Variants in SLC4A4 observed in about 807,000 individuals in gnomAD.
SLC4A4 encodes solute carrier family 4 member 4, also known as electrogenic sodium bicarbonate cotransporter 1.
In SLC4A4, 27 loss-of-function variants were observed where a neutral mutation model predicts 111.5. That is an observed-to-expected ratio of 0.24 (90% CI 0.18 to 0.33). SLC4A4 has a LOEUF of 0.33. SLC4A4 is among the 10% of genes least tolerant of loss of function. The probability of loss-of-function intolerance (pLI) is 1.00; values close to 1 mark genes in which losing one functional copy is unlikely to be tolerated. For synonymous variants in SLC4A4, 443 were observed against 463.4 expected, an observed-to-expected ratio of 0.96 and a Z score of 0.57; for missense variants, 909 against 1,315.5, an observed-to-expected ratio of 0.69 and a Z score of 4.78.
chr4:71,106,160 A>C (rs1201664376), intron 2 of SLC4A4, among the ~76,000 whole-genome samples: 5 of 152,030 alleles, frequency 3.3e-5, no homozygotes, highest in East Asian at 3.9e-4. Flanking sequence ...CAGTCAAAAA[A>C]CACATGAAAA....
At position 71,203,052 on chromosome 4, in the gene SLC4A4, C is replaced by T. The variant is rs546670725; in HGVS notation, c.-2+15651C>T. Among the ~76,000 whole-genome samples, 20 of 151,918 alleles carry T rather than the reference C, an allele frequency of 1.3e-4. No individual in the cohort carries two copies. The South Asian group carries it at 2.9e-3, about 22-fold the overall frequency. On this transcript the variant is annotated intron_variant, in intron 1 of 25. Coordinates refer to ENST00000264485, the MANE Select transcript of SLC4A4 (RefSeq NM_001098484.3). ...TTAAGATTTTAGTTCCACATTTTGGCGGAGGGTGGTGTTTGGGAAGAGTGA... is the reference window on the plus strand; with the variant it reads ...TTAAGATTTTAGTTCCACATTTTGGTGGAGGGTGGTGTTTGGGAAGAGTGA...
At chr4:71,230,604 A>T (rs1455178998) in intron 1 of SLC4A4, among the ~76,000 whole-genome samples, 1 of 152,238 alleles carries the variant, frequency 6.6e-6, no homozygotes, top group East Asian at 1.9e-4. Context: ...ATGCACGGAG[A>T]GAACCAGTGA....
intron 3 of SLC4A4, among the ~76,000 whole-genome samples, chr4:71,311,327 C>T (rs529640451): frequency 3.2e-4 from 48 of 152,248 alleles, no homozygotes; most frequent in Admixed American, 1.3e-3. Context: ...TTGAACTCAG[C>T]TATGGACCAA....
At chr4:71,355,517 A>G (rs1340750336) in intron 5 of SLC4A4, among the ~76,000 whole-genome samples, 2 of 152,200 alleles carry the variant, frequency 1.3e-5, no homozygotes, top group Non-Finnish European at 2.9e-5. Flanking sequence ...AAACATTTCT[A>G]TGGGAGAAAC....
intron 8 of SLC4A4, among the ~76,000 whole-genome samples, chr4:71,446,353 T>C (rs2149068694): frequency 6.6e-6 from 1 of 152,320 alleles, no homozygotes; most frequent in East Asian, 1.9e-4. Context: ...ATAAAAATCT[T>C]ACCTAAGATT....
intron 3 of SLC4A4, among the ~76,000 whole-genome samples, chr4:71,280,880 T>C (rs1449169683): frequency 6.6e-6 from 1 of 152,232 alleles, no homozygotes; most frequent in Non-Finnish European, 1.5e-5. Context: ...ACATTTATTT[T>C]TCACCTAAAT....
intron 7 of SLC4A4, among the ~76,000 whole-genome samples, chr4:71,424,245 C>G (rs1360542084): frequency 3.3e-5 from 5 of 152,100 alleles, no homozygotes; most frequent in Non-Finnish European, 5.9e-5. Flanking sequence ...AAAAAATGCT[C>G]ACCATCACTG....
At chr4:71,070,968 C>A (rs1741644724) in intron 1 of SLC4A4, among the ~76,000 whole-genome samples, 1 of 147,500 alleles carries the variant, frequency 6.8e-6, no homozygotes, top group Non-Finnish European at 1.5e-5. Flanking sequence ...AAAAGGTCAA[C>A]CTTTAAAAAT....
At chr4:71,402,774 G>C (rs1452202282) in intron 7 of SLC4A4, among the ~76,000 whole-genome samples, 2 of 152,224 alleles carry the variant, frequency 1.3e-5, no homozygotes, top group African/African-American at 4.8e-5. Context: ...GTGTCCCTGA[G>C]GGGAACTTGT....
At chr4:71,371,843 T>A (rs553652887) in intron 6 of SLC4A4, among the ~76,000 whole-genome samples, 1 of 152,302 alleles carries the variant, frequency 6.6e-6, no homozygotes, top group African/African-American at 2.4e-5. Context: ...ACAAGGGTGT[T>A]GTACAATACA....
At chr4:71,395,914 G>T (rs80241224) in intron 6 of SLC4A4, among the ~76,000 whole-genome samples, 3,857 of 152,234 alleles carry the variant, frequency 0.025, 158 homozygotes, top group East Asian at 0.15. Flanking sequence ...GTATAATTCA[G>T]ATTTATTCAC....
chr4:71,175,272 A>G (rs1745054997), intron 2 of SLC4A4, among the ~76,000 whole-genome samples: 2 of 152,260 alleles, frequency 1.3e-5, no homozygotes, highest in East Asian at 1.9e-4. Context: ...TGAGTGACGC[A>G]GAAGACGGGT....
intron 3 of SLC4A4, among the ~76,000 whole-genome samples, chr4:71,308,657 GA>G (rs1173194459): frequency 6.6e-6 from 1 of 152,180 alleles, no homozygotes; most frequent in African/African-American, 2.4e-5. Context: ...GGAAAGCCGT[GA>G]GGGACTGTGC....
At chr4:71,362,754 A>G (rs1332132894) in intron 6 of SLC4A4, among the ~76,000 whole-genome samples, 1 of 152,124 alleles carries the variant, frequency 6.6e-6, no homozygotes, top group Non-Finnish European at 1.5e-5. Context: ...CCTAAATCAC[A>G]CTGGAAATCC....
chr4:71,387,028 T>G (rs2148960774), intron 6 of SLC4A4, among the ~76,000 whole-genome samples: 1 of 152,336 alleles, frequency 6.6e-6, no homozygotes, highest in Non-Finnish European at 1.5e-5. Flanking sequence ...CCCTGCAGTG[T>G]AAATGCTTTG....
intron 3 of SLC4A4, among the ~76,000 whole-genome samples, chr4:71,295,470 A>G (rs1724714092): frequency 6.6e-6 from 1 of 152,240 alleles, no homozygotes; most frequent in Non-Finnish European, 1.5e-5. Flanking sequence ...GGAAGCAATC[A>G]TAGAACTGAA....
intron 13 of SLC4A4, among the ~76,000 whole-genome samples, chr4:71,470,449 TGGG>T (rs1727763067): frequency 6.6e-6 from 1 of 152,036 alleles, no homozygotes; most frequent in South Asian, 2.1e-4. Flanking sequence ...ACAAATCAGA[TGGG>T]GAATCATGCT....
chr4:71,401,159 A>T (rs563205396), intron 7 of SLC4A4, among the ~76,000 whole-genome samples: 15 of 152,340 alleles, frequency 9.8e-5, no homozygotes, highest in Admixed American at 2.6e-4. Context: ...GCTCTTTCTG[A>T]CAGCTACATA....
chr4:71,099,138 CT>C (rs1742644133), intron 2 of SLC4A4, among the ~76,000 whole-genome samples: 2 of 152,148 alleles, frequency 1.3e-5, no homozygotes, highest in African/African-American at 2.4e-5. Flanking sequence ...CTCTCCACCC[CT>C]AAACAACAGA....
Sources: gnomAD v4.1 joint callset for allele counts (sites outside exome capture counted in the v4.1 genomes callset) on GRCh38, gnomAD v4.1.1 for gene constraint, MANE v1.5 for transcripts, NCBI Gene and HGNC (gene_info 2026-07-23, HGNC 2026-07-21) for gene names.